COL24A1: variants seen among roughly 807,000 people sequenced by gnomAD.
COL24A1 encodes the protein collagen type XXIV alpha 1 chain.
Under a neutral mutation model 253.9 loss-of-function variants are expected in COL24A1, and 224 were observed. The observed-to-expected ratio is 0.88, with a 90% confidence interval of 0.79 to 0.99. COL24A1 has a LOEUF of 0.99. Ranked by LOEUF, COL24A1 falls within the 50% of genes least tolerant of loss-of-function variation. The pLI is 0.00. For synonymous variants in COL24A1, 685 were observed against 673.7 expected (o/e 1.02, Z -0.26); for missense variants, 2,131 against 2,068.5 (o/e 1.03, Z -0.59).
chr1:86,104,948 G>A (rs1405301784), intron 5 of COL24A1, among the ~76,000 whole-genome samples: 1 of 152,244 alleles, frequency 6.6e-6, no homozygotes, highest in African/African-American at 2.4e-5. Flanking sequence ...GAGGTAGCAT[G>A]ACTCAGGAAG....
rs113101568 is a variant in COL24A1 at position 85,754,990 on chromosome 1, T to G, written c.4437+6406A>C. Reference sequence around the variant, plus strand: ...ACACATCCGAGAAGTTCCACAAACTTTCCCAGACACATCATAATCAAACTA... The same window carrying G: ...ACACATCCGAGAAGTTCCACAAACTGTCCCAGACACATCATAATCAAACTA... On this transcript the variant is annotated intron_variant, in intron 55 of 59. Transcript: ENST00000370571. 1.1e-3 allele frequency among the ~76,000 whole-genome samples: 164 copies of G among 152,292 alleles called. 1 individual carries two copies. Among genetic ancestry groups the G allele is most frequent in the African/African-American group, 3.7e-3 (155 of 41,548 alleles).
At chr1:85,986,508 A>T (rs531752299) in intron 20 of COL24A1, among the ~76,000 whole-genome samples, 1 of 151,960 alleles carries the variant, frequency 6.6e-6, no homozygotes, top group South Asian at 2.1e-4. Context: ...TACGTAATTT[A>T]CTATCAAAGC....
rs183621894 is a variant in COL24A1 at position 85,961,862 on chromosome 1, A to G, written c.2518-569T>C. ...AGAACTCACTCGCTATCCCAAGAAT[A>G]GCAAGGCGGAAATAAGCCCCAATGA... is the stretch of plus-strand genomic sequence containing the variant. On this transcript the variant is annotated intron_variant, in intron 23 of 59. Transcript: ENST00000370571. Among the ~76,000 whole-genome samples the G allele has an allele frequency of 2.0e-3, 310 of 152,282 alleles. 10 individuals carry two copies. In the South Asian group the frequency reaches 0.052, roughly 25 times the overall value.
intron 20 of COL24A1, among the ~76,000 whole-genome samples, chr1:85,976,975 C>T (rs1692750713): frequency 1.3e-5 from 2 of 152,316 alleles, no homozygotes; most frequent in South Asian, 4.1e-4. Flanking sequence ...TACTTCACTC[C>T]CCTGCCACCT....
At chr1:85,854,255 T>C (rs1007214924) in intron 37 of COL24A1, among the ~76,000 whole-genome samples, 1 of 152,188 alleles carries the variant, frequency 6.6e-6, no homozygotes, top group African/African-American at 2.4e-5. Context: ...ATCGGCTTTG[T>C]CAAAGGTCAG....
chr1:86,097,101 G>A (rs910668221), intron 5 of COL24A1, among the ~76,000 whole-genome samples: 1 of 151,910 alleles, frequency 6.6e-6, no homozygotes, highest in Admixed American at 6.6e-5. Context: ...TATATACCCA[G>A]GATAATTTCC....
At chr1:85,878,941 T>G (rs1681512193) in intron 32 of COL24A1, among the ~76,000 whole-genome samples, 1 of 152,218 alleles carries the variant, frequency 6.6e-6, no homozygotes, top group African/African-American at 2.4e-5. Context: ...TAAAGAAAAT[T>G]GTTGAGTTTT....
chr1:85,765,770 G>A (rs6681351), intron 53 of COL24A1, among the ~76,000 whole-genome samples: 1 of 151,374 alleles, frequency 6.6e-6, no homozygotes, highest in Non-Finnish European at 1.5e-5. Flanking sequence ...GCCGATATCT[G>A]ACACTAGGAT....
At chr1:85,758,147 A>G (rs1377430210) in intron 55 of COL24A1, among the ~76,000 whole-genome samples, 1 of 152,074 alleles carries the variant, frequency 6.6e-6, no homozygotes, top group Non-Finnish European at 1.5e-5. Flanking sequence ...GAGAAGCGTT[A>G]TTTTTTCATA....
chr1:85,793,072 T>A (rs1670459708), intron 47 of COL24A1, among the ~76,000 whole-genome samples: 1 of 152,192 alleles, frequency 6.6e-6, no homozygotes, highest in South Asian at 2.1e-4. Context: ...AAGCATTTTT[T>A]CCTTTTTTTT....
intron 2 of COL24A1, among the ~76,000 whole-genome samples, chr1:86,141,664 C>A (rs900390590): frequency 1.7e-4 from 26 of 152,012 alleles, no homozygotes; most frequent in African/African-American, 6.3e-4. Context: ...ACTAGCCTAC[C>A]CATGCAAACA....
intron 24 of COL24A1, among the ~76,000 whole-genome samples, chr1:85,960,513 T>A (rs1403849301): frequency 6.6e-6 from 1 of 152,146 alleles, no homozygotes; most frequent in Non-Finnish European, 1.5e-5. Context: ...ATCTCTTAAT[T>A]TACCTCAACT....
chr1:85,952,978 G>A (rs1690075175), intron 24 of COL24A1, among the ~76,000 whole-genome samples: 1 of 152,030 alleles, frequency 6.6e-6, no homozygotes, highest in African/African-American at 2.4e-5. Flanking sequence ...CTCTAAGAGT[G>A]GTATTGTCAA....
chr1:85,833,073 T>C (rs947121609), intron 43 of COL24A1, among the ~76,000 whole-genome samples: 3 of 152,150 alleles, frequency 2.0e-5, no homozygotes, highest in African/African-American at 7.2e-5. Context: ...TTGTCATAGA[T>C]AGCTCTTATT....
chr1:85,925,317 A>G (rs1248154817), intron 24 of COL24A1, among the ~76,000 whole-genome samples: 2 of 152,212 alleles, frequency 1.3e-5, no homozygotes, highest in Admixed American at 6.5e-5. Context: ...AATTGGAAAA[A>G]ACTATTGTAA....
intron 24 of COL24A1, among the ~76,000 whole-genome samples, chr1:85,934,260 A>C (rs1478155792): frequency 6.6e-6 from 1 of 152,216 alleles, no homozygotes; most frequent in Non-Finnish European, 1.5e-5. Flanking sequence ...AACTGAGTCC[A>C]TCCTGCATTC....
chr1:86,143,383 T>C (rs528516834), intron 2 of COL24A1, among the ~76,000 whole-genome samples: 5 of 152,244 alleles, frequency 3.3e-5, no homozygotes, highest in African/African-American at 1.2e-4. Flanking sequence ...ATATCTGAGA[T>C]TTAGTGATAG....
chr1:85,909,851 T>C, intron 26 of COL24A1, 99 bp downstream of exon 26: 6 of 946,514 alleles, frequency 6.3e-6, no homozygotes, highest in Non-Finnish European at 1.0e-5. Flanking sequence ...TTAACATTTT[T>C]TACTCAGTTA....
intron 3 of COL24A1, among the ~76,000 whole-genome samples, chr1:86,120,597 A>G (rs1310780709): frequency 1.3e-5 from 2 of 152,236 alleles, no homozygotes; most frequent in East Asian, 1.9e-4. Flanking sequence ...ATGAGATACC[A>G]TCTCACACCA....
Sources: gnomAD v4.1 joint callset for allele counts (sites outside exome capture counted in the v4.1 genomes callset) on GRCh38, gnomAD v4.1.1 for gene constraint, MANE v1.5 for transcripts, NCBI Gene and HGNC (gene_info 2026-07-23, HGNC 2026-07-21) for gene names.